The following CEP152 variants were observed in gnomAD, a reference collection of about 807,000 sequenced individuals.
CEP152 encodes centrosomal protein 152.
Under a neutral mutation model 188.9 loss-of-function variants are expected in CEP152, and 132 were observed. The ratio of observed to expected loss-of-function variants is 0.70; its 90% CI spans 0.61 to 0.81. The LOEUF is 0.81. CEP152 is among the 30% of genes least tolerant of loss of function. The pLI is 0.00. For synonymous variants in CEP152, 649 were observed against 666.6 expected, an observed-to-expected ratio of 0.97 and a Z score of 0.41; for missense variants, 1,914 against 1,969.8, an observed-to-expected ratio of 0.97 and a Z score of 0.54.
chr15:48,747,183 G>GGGGCT (rs1454307382), intron 22 of CEP152, among the ~76,000 whole-genome samples: 1 of 152,198 alleles, frequency 6.6e-6, no homozygotes, highest in Non-Finnish European at 1.5e-5. Flanking sequence ...ATGGATTAGA[G>GGGGCT]GGGCTAGACT....
At chr15:48,785,801 G>A (rs1184550441) in intron 9 of CEP152, among the ~76,000 whole-genome samples, 1 of 151,614 alleles carries the variant, frequency 6.6e-6, no homozygotes, top group Admixed American at 6.6e-5. Flanking sequence ...AGCTTGAGTA[G>A]TTCAAGTCTG....
intron 9 of CEP152, among the ~76,000 whole-genome samples, chr15:48,784,583 A>G (rs1157977916): frequency 6.6e-6 from 1 of 152,178 alleles, no homozygotes; most frequent in East Asian, 1.9e-4. Flanking sequence ...TAAGCAGCCA[A>G]AAGTTCATTC....
Position 48,797,571 on chromosome 15 carries a change from A to T in CEP152, c.270T>A (p.Asn90Lys). 6.2e-7 allele frequency: 1 copy of T among 1,614,114 alleles called. No individual in the cohort carries two copies. Among genetic ancestry groups the T allele is most frequent in the African/African-American group, 1.3e-5 (1 of 75,040 alleles). The change falls in exon 5 of 27, where the codon AAT becomes AAA. Residue 90 changes from asparagine to lysine, a missense_variant. Transcript: ENST00000380950. ...LPKSQSVNGY[N>K]EIQSLYAGEK... ...CTCCAGCATATAAACTCTGAATTTC[A>T]TTATAGCCCTATTAGATAACAAGAG...
chr15:48,734,428 T>C (rs774896927), downstream of CEP152, among the ~76,000 whole-genome samples: 25 of 149,594 alleles, frequency 1.7e-4, no homozygotes, highest in South Asian at 6.3e-4. Flanking sequence ...ACTAAAATGG[T>C]ACCCTCATAA....
At position 48,767,472 on chromosome 15, in the gene CEP152, A is replaced by G. The variant is rs773270638; in HGVS notation, c.2019-9T>C. 79 of 1,613,954 alleles carry G rather than the reference A, an allele frequency of 4.9e-5. No individual in the cohort carries two copies. The highest frequency in any genetic ancestry group is 1.5e-5 in the Non-Finnish European group (18 of 1,179,988). On this transcript the variant is annotated splice_polypyrimidine_tract_variant and intron_variant, in intron 15 of 26. Transcript: ENST00000380950. ...GATAAGTCCTTTCACACCTGGAAAC[A>G]GAGCGGAATCAAAGGCAATGCCCAG... is the stretch of plus-strand genomic sequence containing the variant.
intron 12 of CEP152, among the ~76,000 whole-genome samples, 164 bp from the exon 13 acceptor site, chr15:48,772,855 C>T (rs1895657784): frequency 6.6e-6 from 1 of 152,168 alleles, no homozygotes; most frequent in South Asian, 2.1e-4. Context: ...AGGATTATCA[C>T]CTTTGCCATG....
At chr15:48,787,071 A>C (rs1896688530) in intron 9 of CEP152, among the ~76,000 whole-genome samples, 1 of 152,134 alleles carries the variant, frequency 6.6e-6, no homozygotes, top group Admixed American at 6.5e-5. Flanking sequence ...CTAACTTTAA[A>C]ATAAAATAAA....
Position 48,769,012 on chromosome 15 carries a change from T to G in CEP152, c.1852A>C (p.Arg618=). The G allele has an allele frequency of 6.3e-7, 1 of 1,597,236 alleles. No homozygotes were observed. The highest frequency in any genetic ancestry group is 8.6e-7 in the Non-Finnish European group (1 of 1,165,538). The change falls in exon 14 of 27, where the codon AGA becomes CGA. Residue 618 remains arginine, a synonymous_variant. Coordinates refer to ENST00000380950, the MANE Select transcript of CEP152 (RefSeq NM_001194998.2). The part of the protein sequence containing the change: ...WPESSTSDVV[R]DDILLLKNEI... Reference sequence around the variant, plus strand: ...TTTTTAAGCAGCAGAATATCATCTCTGACAACATCAGAAGTAGAAGACTCA... The same window carrying G: ...TTTTTAAGCAGCAGAATATCATCTCGGACAACATCAGAAGTAGAAGACTCA...
In CEP152 at chr15:48,752,424, C is replaced by T. The variant is rs1341257436; in HGVS notation, c.3391G>A (p.Gly1131Ser). 1 of 1,613,846 alleles carries T rather than the reference C, an allele frequency of 6.2e-7. No homozygotes were observed. Among genetic ancestry groups the T allele is most frequent in the Admixed American group, 1.7e-5 (1 of 60,020 alleles). ...GCAGCAGGTCCAGGGTCTCCTTGGC[C>T]AGTGCCCTGGCTGGCAGAATCCTTA... Reference protein sequence around the residue: ...LSKDSASQGTGQGDPGPAAGH... With the variant: ...LSKDSASQGTSQGDPGPAAGH... Residue 1131 changes from glycine to serine, a missense_variant, in exon 21 of 27, where the codon GGC becomes AGC. Physicochemically the swap from Gly to Ser is moderately conservative, Grantham distance 56 (BLOSUM62 0). Coordinates refer to ENST00000380950, the MANE Select transcript of CEP152 (RefSeq NM_001194998.2).
intron 12 of CEP152, among the ~76,000 whole-genome samples, chr15:48,775,464 A>G (rs1242645980): frequency 6.6e-6 from 1 of 152,196 alleles, no homozygotes; most frequent in Non-Finnish European, 1.5e-5. Flanking sequence ...GAATTTCTTC[A>G]CAGAAACCAT....
rs1320300392 is a variant in CEP152 at position 48,797,562 on chromosome 15, C to A, written c.279G>T (p.Gln93His). The change falls in exon 5 of 27, where the codon CAG (glutamine) becomes CAT (histidine). Residue 93 changes from glutamine to histidine, a missense_variant. Physicochemically the swap from Gln to His is conservative, Grantham distance 24. Coordinates refer to ENST00000380950, the MANE Select transcript of CEP152 (RefSeq NM_001194998.2). ...CACATTTTTCTCCAGCATATAAACT[C>A]TGAATTTCATTATAGCCCTATTAGA... is the stretch of plus-strand genomic sequence containing the variant. ...SQSVNGYNEI[Q>H]SLYAGEKCGN... 5 of 1,613,942 alleles carry A rather than the reference C, an allele frequency of 3.1e-6. No homozygotes were observed. In the Admixed American group the frequency reaches 6.7e-5, roughly 22 times the overall value.
At chr15:48,742,139 T>G (rs1893026664) in intron 24 of CEP152, 39 bp from the exon 25 acceptor site, 9 of 1,597,882 alleles carry the variant, frequency 5.6e-6, no homozygotes, top group South Asian at 1.1e-5. Flanking sequence ...AATGTATGTT[T>G]ATTAGCACTT....
At chr15:48,734,350 A>C (rs1892525343), downstream of CEP152, among the ~76,000 whole-genome samples, 1 of 151,564 alleles carries the variant, frequency 6.6e-6, no homozygotes, top group South Asian at 2.1e-4. Context: ...GGCCGTAGTA[A>C]GTTAAGATAC....
At chr15:48,793,232 C>T in intron 7 of CEP152, 89 bp downstream of exon 7, 2 of 1,504,392 alleles carry the variant, frequency 1.3e-6, no homozygotes, top group Admixed American at 3.4e-5. Context: ...AGTGTTTTTA[C>T]TCTCTAAGCT....
Position 48,791,270 on chromosome 15 carries a change from A to C in CEP152, c.939T>G (p.Thr313=), listed in dbSNP as rs1896970408. The C allele has an allele frequency of 6.2e-7, 1 of 1,612,674 alleles. No individual in the cohort carries two copies. Among genetic ancestry groups the C allele is most frequent in the African/African-American group, 1.3e-5 (1 of 74,882 alleles). ...QLEAQIKALE[T]QIQALKVNEE... is the part of the protein sequence containing the mutation. ...CATTGACTTTTAATGCTTGTATCTG[A>C]GTCTCCAGTGCTTTTATTTGAGCTT... The change falls in exon 8 of 27, where the codon ACT becomes ACG. Residue 313 remains threonine, a synonymous_variant. Transcript: ENST00000380950.
chr15:48,805,495 A>T, intron 2 of CEP152, 68 bp downstream of exon 2: 2 of 1,535,032 alleles, frequency 1.3e-6, no homozygotes, highest in African/African-American at 1.4e-5. Flanking sequence ...TACAATTTTG[A>T]TCAAGAAATA....
At chr15:48,787,461 G>A (rs1028032112) in intron 9 of CEP152, among the ~76,000 whole-genome samples, 18 of 151,782 alleles carry the variant, frequency 1.2e-4, no homozygotes, top group East Asian at 7.8e-4. Context: ...ATGAGCCACC[G>A]TAACTGGCCT....
chr15:48,793,134 T>C (rs939965348), intron 7 of CEP152, among the ~76,000 whole-genome samples, 187 bp downstream of exon 7: 3 of 152,182 alleles, frequency 2.0e-5, no homozygotes, highest in Admixed American at 6.5e-5. Context: ...CAAAACAGCG[T>C]GTTCCAAAGA....
intron 6 of CEP152, among the ~76,000 whole-genome samples, chr15:48,795,267 A>G (rs1303016205): frequency 1.3e-5 from 2 of 152,146 alleles, no homozygotes; most frequent in African/African-American, 4.8e-5. Flanking sequence ...ATTTATATAC[A>G]TACTATACAA....
Sources: gnomAD v4.1 joint callset for allele counts (sites outside exome capture counted in the v4.1 genomes callset) on GRCh38, gnomAD v4.1.1 for gene constraint, MANE v1.5 for transcripts, NCBI Gene and HGNC (gene_info 2026-07-23, HGNC 2026-07-21) for gene names.